The following SAMD9L variants were observed in gnomAD, a reference collection of about 807,000 sequenced individuals.
The protein encoded by SAMD9L is sterile alpha motif domain-containing protein 9-like.
A neutral mutation model predicts 90.7 loss-of-function variants in SAMD9L; 68 were observed. The ratio of observed to expected loss-of-function variants is 0.75; its 90% confidence interval spans 0.62 to 0.92. SAMD9L has a LOEUF of 0.92. Ranked by LOEUF, SAMD9L falls within the 40% of genes least tolerant of loss-of-function variation. SAMD9L has a pLI of 0.00. For synonymous variants in SAMD9L, 640 were observed against 630.1 expected (o/e 1.02, Z -0.23); for missense variants, 1,604 against 1,824.3 (o/e 0.88, Z 2.20).
rs771545175 is a variant in SAMD9L at position 93,132,872 on chromosome 7, C to T, written c.3100G>A (p.Asp1034Asn). Reference sequence around the variant, plus strand: ...CTTGTAAGCAGAAGAGTTTGAACATCATGTTGAAATTTGTCTCTTCCTATT... The same window carrying T: ...CTTGTAAGCAGAAGAGTTTGAACATTATGTTGAAATTTGTCTCTTCCTATT... ...SGIGRDKFQH[D>N]VQTLLLTRQR... Residue 1034 changes from aspartate (D) to asparagine (N), a missense_variant, in exon 5 of 5, where the codon GAT becomes AAT. Asp to Asn is a conservative substitution (Grantham distance 23, BLOSUM62 1). Around this residue, in one of 7 missense-constraint regions of SAMD9L, gnomAD observed 302 missense variants for 314.7 expected, o/e 0.96. Transcript: ENST00000318238. 22 of 1,613,708 alleles carry T rather than the reference C, an allele frequency of 1.4e-5. No individual in the cohort carries two copies. In the East Asian group the frequency reaches 4.5e-4, roughly 33 times the overall value.
In SAMD9L at chr7:93,131,779, T is replaced by G. The variant is rs769206388; in HGVS notation, c.4193A>C (p.Lys1398Thr). ...IILSCLKPNS[K>T]LIQPLTTLKK... The stretch of plus-strand genomic sequence containing the variant: ...TAGCGTGGTAAGTGGTTGAATTAAC[T>G]TGGAGTTGGGCTTTAGACAACTCAG... The change falls in exon 5 of 5, where the codon AAG becomes ACG. Residue 1398 changes from lysine to threonine, a missense_variant. This residue lies in a region of SAMD9L where 282 missense variants were observed against 329.6 expected (regional missense o/e 0.86). Coordinates refer to ENST00000318238, the MANE Select transcript of SAMD9L (RefSeq NM_152703.5). The G allele has an allele frequency of 6.8e-6, 11 of 1,613,516 alleles. No individual in the cohort carries two copies. The South Asian group carries it at 1.2e-4, about 18-fold the overall frequency.
chr7:93,137,734 G>GTCTTTTT (rs1562798349), intron 4 of SAMD9L, among the ~76,000 whole-genome samples: 1 of 121,942 alleles, frequency 8.2e-6, no homozygotes, highest in African/African-American at 3.1e-5. Context: ...AGGAACCTAA[G>GTCTTTTT]TTTTTTTTTT....
rs558663380 is a variant in SAMD9L at position 93,133,262 on chromosome 7, C to T, written c.2710G>A (p.Val904Ile). 6.2e-7 allele frequency: 1 copy of T among 1,613,196 alleles called. No individual in the cohort carries two copies. The highest frequency in any genetic ancestry group is 2.2e-5 in the East Asian group (1 of 44,820). ...TGTCCTTTTAGGATATTCCTGACTA[C>T]ATTTTCTATATATGTTTCATCAAAA... ...SNFDETYIENVVRNILKGQDV... is the reference protein window; with the variant it reads ...SNFDETYIENIVRNILKGQDV... Residue 904 changes from valine to isoleucine, a missense_variant, in exon 5 of 5, where the codon GTA becomes ATA. Physicochemically the swap from Val to Ile is conservative, Grantham distance 29. This residue lies in a region of SAMD9L where 606 missense variants were observed against 717.6 expected (regional missense o/e 0.84). Transcript: ENST00000318238.
At chr7:93,139,492 G>A (rs368018674) in intron 4 of SAMD9L, among the ~76,000 whole-genome samples, 54 of 152,224 alleles carry the variant, frequency 3.5e-4, no homozygotes, top group African/African-American at 1.2e-3. Context: ...TTACACACCG[G>A]GAGAACAGTA....
Position 93,135,796 on chromosome 7 carries a change from C to A in SAMD9L, c.176G>T (p.Gly59Val), listed in dbSNP as rs769910681. Residue 59 changes from glycine to valine, a missense_variant, in exon 5 of 5, where the codon GGG (glycine) becomes GTG (valine). Coordinates refer to ENST00000318238, the MANE Select transcript of SAMD9L (RefSeq NM_152703.5). ...CAAAAGTGCTGGACCCCATGGTAGC[C>A]CCATTTCTACAAGGTCCTTCTCAGT... ...ELTEKDLVEM[G>V]LPWGPALLIK... 1 of 1,613,986 alleles carries A rather than the reference C, an allele frequency of 6.2e-7. No homozygotes were observed. Among genetic ancestry groups the A allele is most frequent in the East Asian group, 2.2e-5 (1 of 44,862 alleles).
intron 2 of SAMD9L, among the ~76,000 whole-genome samples, 194 bp from the exon 3 acceptor site, chr7:93,146,234 A>G (rs890931093): frequency 2.0e-5 from 3 of 152,010 alleles, no homozygotes; most frequent in Non-Finnish European, 4.4e-5. Flanking sequence ...GTTTCCAGCC[A>G]CTACACTTGT....
chr7:93,135,463 T>C lies in SAMD9L; in HGVS notation c.509A>G (p.Gln170Arg), dbSNP rs567462995. 123 of 1,614,176 alleles carry C rather than the reference T, an allele frequency of 7.6e-5. 3 individuals carry two copies. In the South Asian group the frequency reaches 1.3e-3, roughly 17 times the overall value. The change falls in exon 5 of 5, where the codon CAG (glutamine) becomes CGG (arginine). Residue 170 changes from glutamine (Q) to arginine (R), a missense_variant. Gln to Arg is a conservative substitution (Grantham distance 43, BLOSUM62 1). Coordinates refer to ENST00000318238, the MANE Select transcript of SAMD9L (RefSeq NM_152703.5). ...TATGTAGCGATGGCTGTCATGGAAC[T>C]GATCAAAAGGATATGGCATACAAGT... ...QLTCMPYPFD[Q>R]FHDSHRYIEH...
rs1380557280 is a variant in SAMD9L, at chr7:93,135,572, ATTC to A, written c.397_399del (p.Glu133del). The A allele has an allele frequency of 3.7e-6, 6 of 1,613,898 alleles. No individual in the cohort carries two copies. Among genetic ancestry groups the A allele is most frequent in the East Asian group, 2.2e-5 (1 of 44,864 alleles). On this transcript the variant is annotated inframe_deletion, in exon 5 of 5. Transcript: ENST00000318238. ...AACACATTTTCTTTCATAAGAATTG[ATTC>A]TTCTTGTTTGATATCTCTGATCTCT...
intron 4 of SAMD9L, among the ~76,000 whole-genome samples, chr7:93,139,577 G>A (rs535223489): frequency 9.8e-5 from 15 of 152,312 alleles, no homozygotes; most frequent in African/African-American, 3.1e-4. Context: ...GCATGCTACT[G>A]TGAGAGGCAT....
chr7:93,131,382 T>G lies in SAMD9L; in HGVS notation c.4590A>C (p.Glu1530Asp). The change falls in exon 5 of 5, where the codon GAA becomes GAC. Residue 1530 changes from glutamate to aspartate, a missense_variant. Around this residue, in one of 7 missense-constraint regions of SAMD9L, gnomAD observed 282 missense variants for 329.6 expected, o/e 0.86. Coordinates refer to ENST00000318238, the MANE Select transcript of SAMD9L (RefSeq NM_152703.5). ...CATATTCTACAGAGATTAGCTTGCC[T>G]TCAGCCTGACCAGTTAGACGACGCA... is the stretch of plus-strand genomic sequence containing the variant. ...DLLRRLTGQA[E>D]GKLISVEYGT... 6.2e-7 allele frequency: 1 copy of G among 1,613,782 alleles called. No homozygotes were observed. Among genetic ancestry groups the G allele is most frequent in the Non-Finnish European group, 8.5e-7 (1 of 1,179,846 alleles).
rs1235028972 is a variant in SAMD9L at position 93,133,765 on chromosome 7, A to AT, written c.2206dup (p.Ile736AsnfsTer38). ...GCCTGGATGATGATAAAGATTGATGATTTTTGCAAATATTGGTTTAGGAGA... is the reference window on the plus strand; with the variant it reads ...GCCTGGATGATGATAAAGATTGATGATTTTTTGCAAATATTGGTTTAGGAGA... On this transcript the variant is annotated frameshift_variant, in exon 5 of 5. Transcript: ENST00000318238. LOFTEE classifies it high-confidence loss of function. 6.2e-7 allele frequency: 1 copy of AT among 1,613,894 alleles called. No individual in the cohort carries two copies. Among genetic ancestry groups the AT allele is most frequent in the South Asian group, 1.1e-5 (1 of 91,086 alleles).
At chr7:93,138,747 C>A (rs1792560570) in intron 4 of SAMD9L, among the ~76,000 whole-genome samples, 1 of 152,160 alleles carries the variant, frequency 6.6e-6, no homozygotes, top group Non-Finnish European at 1.5e-5. Flanking sequence ...AGCCAGGGCA[C>A]TGGGCCTGCC....
In SAMD9L at chr7:93,133,125, T is replaced by C. The variant is rs78528622; in HGVS notation, c.2847A>G (p.Ile949Met). Residue 949 changes from isoleucine (I) to methionine (M), a missense_variant, in exon 5 of 5, where the codon ATA becomes ATG. This residue lies in a region of SAMD9L where 606 missense variants were observed against 717.6 expected (regional missense o/e 0.84). Coordinates refer to ENST00000318238, the MANE Select transcript of SAMD9L (RefSeq NM_152703.5). ...VSQCEIFLGI[I>M]YTSTPWEPES... Reference sequence around the variant, plus strand: ...CAGGTTCCCAGGGTGTACTAGTGTATATGATTCCCAAAAATATTTCACACT... The same window carrying C: ...CAGGTTCCCAGGGTGTACTAGTGTACATGATTCCCAAAAATATTTCACACT... The C allele has an allele frequency of 6.2e-7, 1 of 1,613,240 alleles. No homozygotes were observed. The highest frequency in any genetic ancestry group is 1.3e-5 in the African/African-American group (1 of 75,008).
At position 93,132,299 on chromosome 7, in the gene SAMD9L, T is replaced by A; in HGVS notation, c.3673A>T (p.Lys1225Ter). 6.2e-7 allele frequency: 1 copy of A among 1,613,810 alleles called. No homozygotes were observed. Among genetic ancestry groups the A allele is most frequent in the Non-Finnish European group, 8.5e-7 (1 of 1,179,850 alleles). ...GATAAAAATTGCACCATATGTTTTTTGGATAATTCATTTTCTTTGTGGAAA... is the reference window on the plus strand; with the variant it reads ...GATAAAAATTGCACCATATGTTTTTAGGATAATTCATTTTCTTTGTGGAAA... The part of the protein sequence containing the change: ...PFFHKENELS[K>*]KHMVQFLSGK... Residue 1225 changes from lysine to a stop codon, truncating the protein, a stop_gained, in exon 5 of 5, where the codon AAA (lysine) becomes TAA (stop). Coordinates refer to ENST00000318238, the MANE Select transcript of SAMD9L (RefSeq NM_152703.5). LOFTEE classifies it high-confidence loss of function.
chr7:93,136,277 T>G (rs1221496888), intron 4 of SAMD9L, among the ~76,000 whole-genome samples: 2 of 152,186 alleles, frequency 1.3e-5, no homozygotes, highest in Non-Finnish European at 2.9e-5. Flanking sequence ...CTTAACTTGG[T>G]GAAAGTTGGG....
intron 4 of SAMD9L, among the ~76,000 whole-genome samples, chr7:93,138,800 C>G (rs1234991858): frequency 1.1e-5 from 1 of 92,584 alleles, no homozygotes; most frequent in Non-Finnish European, 2.2e-5. Context: ...GCCCGGTAGG[C>G]TCATCCCTGA....
chr7:93,136,028 T>C, intron 4 of SAMD9L, 37 bp from the exon 5 acceptor site: 1 of 1,338,084 alleles, frequency 7.5e-7, no homozygotes, highest in Non-Finnish European at 1.0e-6. Flanking sequence ...TTTAGAATTA[T>C]ACTTTATTTT....
At position 93,133,714 on chromosome 7, in the gene SAMD9L, T is replaced by G. The variant is rs1182450813; in HGVS notation, c.2258A>C (p.His753Pro). The change falls in exon 5 of 5, where the codon CAT becomes CCT. Residue 753 changes from histidine (H) to proline (P), a missense_variant. Around this residue, in one of 7 missense-constraint regions of SAMD9L, gnomAD observed 606 missense variants for 717.6 expected, o/e 0.84. Transcript: ENST00000318238. ...GTTTTTCTTTAAGTCCCAGAGAACA[T>G]GCATAGCCAGTGTGGTACCTCCACA... Reference protein sequence around the residue: ...PGCGGTTLAMHVLWDLKKNFR... With the variant: ...PGCGGTTLAMPVLWDLKKNFR... The G allele has an allele frequency of 1.2e-6, 2 of 1,613,736 alleles. No homozygotes were observed. Among genetic ancestry groups the G allele is most frequent in the East Asian group, 2.2e-5 (1 of 44,872 alleles).
chr7:93,135,694 G>A lies in SAMD9L; in HGVS notation c.278C>T (p.Ser93Leu). The stretch of plus-strand genomic sequence containing the variant: ...CTGGTGTTCTGTTTTGGACGGTTTT[G>A]AATTATCTAATTGTCCCGGATCATG... ...DNHDPGQLDNSKPSKTEHQKN... is the reference protein window; with the variant it reads ...DNHDPGQLDNLKPSKTEHQKN... The change falls in exon 5 of 5, where the codon TCA becomes TTA. Residue 93 changes from serine to leucine, a missense_variant. Ser to Leu is a moderately radical substitution (Grantham distance 145). This residue lies in a region of SAMD9L where 374 missense variants were observed against 363.6 expected (regional missense o/e 1.03). Coordinates refer to ENST00000318238, the MANE Select transcript of SAMD9L (RefSeq NM_152703.5). 1 of 1,613,984 alleles carries A rather than the reference G, an allele frequency of 6.2e-7. No homozygotes were observed. The highest frequency in any genetic ancestry group is 8.5e-7 in the Non-Finnish European group (1 of 1,179,956).
Sources: gnomAD v4.1 joint callset for allele counts (sites outside exome capture counted in the v4.1 genomes callset) on GRCh38, gnomAD v4.1.1 for gene constraint, gnomAD v4.1.1 regional missense constraint, MANE v1.5 for transcripts, NCBI Gene and HGNC (gene_info 2026-07-23, HGNC 2026-07-21) for gene names.